The following TAOK1 variants were observed in gnomAD, a reference collection of about 807,000 sequenced individuals.
TAOK1 encodes TAO kinase 1.
TAOK1 carries 21 observed loss-of-function variants against 138.3 expected under a neutral mutation model. That is an observed-to-expected ratio of 0.15 (90% CI 0.11 to 0.22). TAOK1 has a LOEUF of 0.22. TAOK1 is among the 10% of genes least tolerant of loss of function. The probability of loss-of-function intolerance (pLI) is 1.00; values close to 1 mark genes in which losing one functional copy is unlikely to be tolerated. For synonymous variants in TAOK1, 361 were observed against 398.4 expected (o/e 0.91, Z 1.12); for missense variants, 651 against 1,227.7 (o/e 0.53, Z 7.02).
chr17:29,526,819 TAAA>T (rs71138830), intron 17 of TAOK1, among the ~76,000 whole-genome samples: 14 of 50,950 alleles, frequency 2.7e-4, no homozygotes, highest in South Asian at 7.4e-4. Flanking sequence ...TCTCATCTCT[TAAA>T]AAAAAAAAAA....
At chr17:29,533,406 G>A (rs1326019792) in intron 18 of TAOK1, among the ~76,000 whole-genome samples, 3 of 151,448 alleles carry the variant, frequency 2.0e-5, no homozygotes, top group East Asian at 2.0e-4. Context: ...ATGGGCAGCC[G>A]GGCAGAGACG....
intron 10 of TAOK1, 41 bp downstream of exon 10, chr17:29,491,906 A>G: frequency 6.8e-7 from 1 of 1,467,780 alleles, no homozygotes; most frequent in Non-Finnish European, 9.4e-7. Context: ...TTATTTTAAG[A>G]CAAGGCCTCA....
At chr17:29,484,845 TC>T (rs2031136499) in intron 8 of TAOK1, among the ~76,000 whole-genome samples, 1 of 152,160 alleles carries the variant, frequency 6.6e-6, no homozygotes, top group Admixed American at 6.6e-5. Context: ...CTTCAGGTGA[TC>T]CACCCACCTC....
chr17:29,427,925 CAAA>C (rs34918500), intron 1 of TAOK1, among the ~76,000 whole-genome samples: 166 of 115,014 alleles, frequency 1.4e-3, no homozygotes, highest in Admixed American at 2.7e-3. Context: ...GACTCTGTCT[CAAA>C]AAAAAAAAAA....
chr17:29,469,730 A>G (rs900002950), intron 3 of TAOK1, among the ~76,000 whole-genome samples: 10 of 152,324 alleles, frequency 6.6e-5, no homozygotes, highest in African/African-American at 2.4e-4. Context: ...GATTAGTCAC[A>G]CCTAGAACAA....
At chr17:29,459,367 C>T (rs976483599) in intron 2 of TAOK1, among the ~76,000 whole-genome samples, 5 of 151,962 alleles carry the variant, frequency 3.3e-5, no homozygotes, top group Admixed American at 2.0e-4. Flanking sequence ...CTGCAAACAC[C>T]GCCTGCTGGG....
At chr17:29,488,576 A>AAATAATAAT (rs150004739) in intron 8 of TAOK1, among the ~76,000 whole-genome samples, 18,486 of 145,328 alleles carry the variant, frequency 0.13, 1,289 homozygotes, top group East Asian at 0.22. Context: ...ACATCTCAAA[A>AAATAATAAT]AATAATAATA....
intron 1 of TAOK1, among the ~76,000 whole-genome samples, chr17:29,398,898 C>T (rs560433360): frequency 6.6e-6 from 1 of 152,222 alleles, no homozygotes; most frequent in Admixed American, 6.5e-5. Context: ...ACTTAACTTA[C>T]TGCCTGATAC....
intron 18 of TAOK1, 87 bp downstream of exon 18, chr17:29,530,706 T>C: frequency 1.8e-6 from 2 of 1,091,632 alleles, no homozygotes; most frequent in South Asian, 2.6e-5. Flanking sequence ...AAAGTACTAG[T>C]TGGAAATGAT....
chr17:29,393,151 A>G (rs1284220969), intron 1 of TAOK1, among the ~76,000 whole-genome samples: 1 of 152,214 alleles, frequency 6.6e-6, no homozygotes, highest in Non-Finnish European at 1.5e-5. Flanking sequence ...AAATTATGCC[A>G]GGAAGTCTGA....
chr17:29,539,412 G>T (rs1478151517), intron 19 of TAOK1, among the ~76,000 whole-genome samples: 1 of 152,120 alleles, frequency 6.6e-6, no homozygotes, highest in African/African-American at 2.4e-5. Context: ...GGGTGTGGTG[G>T]TGCATGCCTG....
chr17:29,539,057 A>G (rs2032270534), intron 19 of TAOK1, among the ~76,000 whole-genome samples: 2 of 152,164 alleles, frequency 1.3e-5, no homozygotes. Flanking sequence ...CAGGAGTTTG[A>G]GACCAGCCTT....
At chr17:29,522,208 C>G (rs2031932795) in intron 16 of TAOK1, 72 bp from the exon 17 acceptor site, 1 of 1,551,078 alleles carries the variant, frequency 6.4e-7, no homozygotes, top group African/African-American at 1.4e-5. Flanking sequence ...ACTGGTTATT[C>G]TGTTAATTAG....
rs769462713 is a variant in TAOK1, at chr17:29,498,440, C to G, written c.1122C>G (p.Val374=). The G allele has an allele frequency of 1.7e-5, 27 of 1,614,062 alleles. No individual in the cohort carries two copies. The highest frequency in any genetic ancestry group is 2.7e-5 in the African/African-American group (2 of 74,928). Reference sequence around the variant, plus strand: ...GTAGTGTTAACAGTCTTCCAGATGTCTCAGATGACAAGAGTGAGCTAGACA... The same window carrying G: ...GTAGTGTTAACAGTCTTCCAGATGTGTCAGATGACAAGAGTGAGCTAGACA... ...QSSSVNSLPD[V]SDDKSELDMM... is the part of the protein sequence containing the mutation. Residue 374 remains valine, a synonymous_variant, in exon 12 of 20, where the codon GTC becomes GTG. Coordinates refer to ENST00000261716, the MANE Select transcript of TAOK1 (RefSeq NM_020791.4).
intron 2 of TAOK1, among the ~76,000 whole-genome samples, chr17:29,463,964 C>T (rs779803454): frequency 1.3e-5 from 2 of 152,144 alleles, no homozygotes; most frequent in Non-Finnish European, 2.9e-5. Flanking sequence ...ATGAAAAGAT[C>T]CTCAACCTCA....
At chr17:29,393,220 C>T (rs1385416331) in intron 1 of TAOK1, among the ~76,000 whole-genome samples, 4 of 152,006 alleles carry the variant, frequency 2.6e-5, no homozygotes, top group African/African-American at 4.8e-5. Flanking sequence ...ATGTGTTGAT[C>T]GAAGCATACT....
chr17:29,514,172 T>C (rs983745392), intron 15 of TAOK1: 3 of 152,142 alleles, frequency 2.0e-5, no homozygotes, highest in African/African-American at 7.2e-5. Context: ...GCCCATGTTA[T>C]TCCTTTCTCT....
chr17:29,442,389 G>GTT (rs531137552), intron 1 of TAOK1, among the ~76,000 whole-genome samples: 1,846 of 130,482 alleles, frequency 0.014, 43 homozygotes, highest in African/African-American at 0.049. Flanking sequence ...ATTTTTTTCT[G>GTT]TTTTTTTTTT....
At chr17:29,505,535 C>T (rs1424776111) in intron 13 of TAOK1, among the ~76,000 whole-genome samples, 5 of 152,074 alleles carry the variant, frequency 3.3e-5, no homozygotes, top group Admixed American at 3.3e-4. Context: ...AACCCTGTCT[C>T]TACTAAAAAT....
Sources: gnomAD v4.1 joint callset for allele counts (sites outside exome capture counted in the v4.1 genomes callset) on GRCh38, gnomAD v4.1.1 for gene constraint, MANE v1.5 for transcripts, NCBI Gene and HGNC (gene_info 2026-07-23, HGNC 2026-07-21) for gene names.